Variants in PDLIM3 observed in about 807,000 individuals in gnomAD.
PDLIM3 encodes the protein PDZ and LIM domain 3.
In PDLIM3, 36 loss-of-function variants were observed where a neutral mutation model predicts 37.3. That is an observed-to-expected ratio of 0.97 (90% CI 0.74 to 1.28). The LOEUF (loss-of-function observed/expected upper bound fraction) is 1.28, where lower values mean the gene tolerates loss of function less well. PDLIM3 is among the 50% of genes most tolerant of loss of function. The probability of loss-of-function intolerance (pLI) is 0.00; values close to 1 mark genes in which losing one functional copy is unlikely to be tolerated. For synonymous variants in PDLIM3, 174 were observed against 182.4 expected (o/e 0.95, Z 0.37); for missense variants, 454 against 485.0 (o/e 0.94, Z 0.60).
intron 2 of PDLIM3, 125 bp downstream of exon 2, chr4:185,524,895 A>G: frequency 1.1e-6 from 1 of 876,968 alleles, no homozygotes; most frequent in South Asian, 1.3e-5. Context: ...TAGCTAATAT[A>G]TAAAAAGTCA....
chr4:185,518,598 G>A (rs753293344), intron 3 of PDLIM3, among the ~76,000 whole-genome samples: 4 of 152,036 alleles, frequency 2.6e-5, no homozygotes, highest in South Asian at 2.1e-4. Flanking sequence ...ATTTCATCAC[G>A]TTTGAAGTTT....
intron 1 of PDLIM3, among the ~76,000 whole-genome samples, chr4:185,528,497 A>G (rs3792700): frequency 0.76 from 115,602 of 152,214 alleles, 45,676 homozygotes; most frequent in Non-Finnish European, 0.87. Context: ...TACATTTGCA[A>G]AGCTCCTTCT....
chr4:185,523,050 A>G (rs148884424), intron 3 of PDLIM3: 1 of 300,786 alleles, frequency 3.3e-6, no homozygotes, highest in Non-Finnish European at 6.2e-6. Context: ...AACTCCTTAG[A>G]TTACCTCACG....
rs1370958597 is a variant in PDLIM3 at position 185,522,042 on chromosome 4, A to AAGAT, written c.330+1319_330+1320insATCT. ...GTCAAAACTCTACGACAACAATCTA[A>AAGAT]TAAACTCATTTCCTCTAAAGATTAC... On this transcript the variant is annotated intron_variant, in intron 3 of 7. Coordinates refer to ENST00000284767, the MANE Select transcript of PDLIM3 (RefSeq NM_014476.6). 9.2e-3 allele frequency among the ~76,000 whole-genome samples: 615 copies of AAGAT among 66,790 alleles called. 121 individuals carry two copies. Among genetic ancestry groups the AAGAT allele is most frequent in the African/African-American group, 0.016 (575 of 36,722 alleles). 43.8% of individuals were successfully genotyped at this position (66,790 alleles called of 152,430 possible). A position where few individuals can be genotyped will look rare whatever the true frequency, so the allele number is the denominator to read the frequency against.
At chr4:185,531,014 A>ATG (rs1333714319) in intron 1 of PDLIM3, among the ~76,000 whole-genome samples, 11 of 150,548 alleles carry the variant, frequency 7.3e-5, no homozygotes, top group African/African-American at 2.7e-4. Flanking sequence ...ACACACACAC[A>ATG]CGTATATATA....
chr4:185,502,035 CA>C lies in PDLIM3; in HGVS notation c.*258del, dbSNP rs2095687812. On this transcript the variant is annotated 3_prime_UTR_variant, in exon 8 of 8. Coordinates refer to ENST00000284767, the MANE Select transcript of PDLIM3 (RefSeq NM_014476.6). ...CATGTAAATTGTGGAGTATGACATA[CA>C]AAAAATTATTGCTTTAAATATCATT... 1.9e-6 allele frequency: 1 copy of C among 517,746 alleles called. No individual in the cohort carries two copies. The highest frequency in any genetic ancestry group is 3.5e-6 in the Non-Finnish European group (1 of 285,650). 32.1% of individuals were successfully genotyped at this position (517,746 alleles called of 1,614,324 possible). A position where few individuals can be genotyped will look rare whatever the true frequency, so the allele number is the denominator to read the frequency against.
At chr4:185,517,464 C>A (rs1229163677) in intron 3 of PDLIM3, 3 of 147,144 alleles carry the variant, frequency 2.0e-5, no homozygotes, top group Non-Finnish European at 3.0e-5. Context: ...TGGAAAATAC[C>A]TCTGCCCTTA....
At chr4:185,527,521 T>C (rs1251319842) in intron 1 of PDLIM3, among the ~76,000 whole-genome samples, 1 of 152,220 alleles carries the variant, frequency 6.6e-6, no homozygotes, top group African/African-American at 2.4e-5. Flanking sequence ...GAACAGTTAA[T>C]AGAAGCTGGG....
rs1487799114 is a variant in PDLIM3, at chr4:185,514,635, T to G, written c.331-298A>C. The G allele has an allele frequency of 7.0e-7, 1 of 1,434,526 alleles. No homozygotes were observed. The allele number at this position is 1,434,526 out of a possible 1,614,324, so 88.9% of individuals were successfully genotyped here. On this transcript the variant is annotated intron_variant, in intron 3 of 7. Transcript: ENST00000284767. This position sits in a 1 kb window ranked among gnomAD's most constrained non-coding sequence, Gnocchi z 4.0. ...AAATAAAACAGCAAGAGCTGGACTTTTGAAAAGAAAAGAAACCATGCTATC... is the reference window on the plus strand; with the variant it reads ...AAATAAAACAGCAAGAGCTGGACTTGTGAAAAGAAAAGAAACCATGCTATC...
chr4:185,523,505 T>C (rs2095726396), intron 2 of PDLIM3, 59 bp from the exon 3 acceptor site: 1 of 1,054,642 alleles, frequency 9.5e-7, no homozygotes, highest in Non-Finnish European at 1.5e-6. Context: ...AGTTTTAGCA[T>C]ACTTTAGTTT....
chr4:185,535,265 C>G, intron 1 of PDLIM3, 77 bp downstream of exon 1: 3 of 1,339,456 alleles, frequency 2.2e-6, no homozygotes, highest in Non-Finnish European at 3.1e-6. Flanking sequence ...GCCCTCGGCC[C>G]CGGGGCATCC....
chr4:185,517,458 A>G (rs2095716711), intron 3 of PDLIM3: 1 of 151,148 alleles, frequency 6.6e-6, no homozygotes, highest in Non-Finnish European at 1.5e-5. Context: ...GCTTTATGGA[A>G]AATACCTCTG....
chr4:185,508,333 C>T lies in PDLIM3; in HGVS notation c.628G>A (p.Val210Ile). 2 of 1,614,134 alleles carry T rather than the reference C, an allele frequency of 1.2e-6. No homozygotes were observed. Among genetic ancestry groups the T allele is most frequent in the South Asian group, 1.1e-5 (1 of 91,082 alleles). The change falls in exon 5 of 8, where the codon GTT becomes ATT. Residue 210 changes from valine (V) to isoleucine (I), a missense_variant. Transcript: ENST00000284767. ...DNIMETLQGQ[V>I]STALGETPLM... ...GGTGTTTCCCCTAGGGCTGTTGAAA[C>T]CTGACCCTGGAGTGTTTCCATAATA...
At position 185,502,484 on chromosome 4, in the gene PDLIM3, C is replaced by T. The variant is rs1187016864; in HGVS notation, c.906-1G>A. On this transcript the variant is annotated splice_acceptor_variant, in intron 7 of 7. Coordinates refer to ENST00000284767, the MANE Select transcript of PDLIM3 (RefSeq NM_014476.6). LOFTEE classifies it high-confidence loss of function. ...ATCCCGCGCCTTCACCACAGCACCG[C>T]TGTTGGGGAAGAAAACGAGCTCAAG... 1.9e-6 allele frequency: 3 copies of T among 1,614,020 alleles called. No individual in the cohort carries two copies. Among genetic ancestry groups the T allele is most frequent in the Admixed American group, 1.7e-5 (1 of 60,022 alleles).
chr4:185,520,778 C>G (rs28375218), intron 3 of PDLIM3, among the ~76,000 whole-genome samples: 18,633 of 64,902 alleles, frequency 0.29, 6,457 homozygotes, highest in African/African-American at 0.49. Context: ...GCTGGGGTGA[C>G]GGATGCAACC....
At chr4:185,531,967 G>T (rs189843064) in intron 1 of PDLIM3, among the ~76,000 whole-genome samples, 4 of 151,512 alleles carry the variant, frequency 2.6e-5, no homozygotes, top group African/African-American at 9.7e-5. Flanking sequence ...GTATGGTGGC[G>T]GGTGCTTGTA....
In PDLIM3 at chr4:185,514,644, AAAG is replaced by A. The variant is rs1243727031; in HGVS notation, c.331-310_331-308del. On this transcript the variant is annotated intron_variant, in intron 3 of 7. Transcript: ENST00000284767. The surrounding 1 kb of genome is among the most constrained non-coding windows in gnomAD (Gnocchi z 4.0). ...AGCAAGAGCTGGACTTTTGAAAAGA[AAAG>A]AAACCATGCTATCACTGTTAGGTAC... 9 of 1,456,042 alleles carry A rather than the reference AAAG, an allele frequency of 6.2e-6. No homozygotes were observed. In the Admixed American group the frequency reaches 2.1e-4, roughly 34 times the overall value. The allele number at this position is 1,456,042 out of a possible 1,614,324, so 90.2% of individuals were successfully genotyped here. A position where few individuals can be genotyped will look rare whatever the true frequency, so the allele number is the denominator to read the frequency against.
chr4:185,512,363 G>A (rs568824189), intron 4 of PDLIM3: 1 of 152,314 alleles, frequency 6.6e-6, no homozygotes, highest in South Asian at 2.1e-4. Flanking sequence ...TTACAGGTGT[G>A]AGCCATCGCA....
intron 1 of PDLIM3, among the ~76,000 whole-genome samples, chr4:185,534,945 C>G (rs1314274483): frequency 1.3e-5 from 2 of 152,226 alleles, no homozygotes; most frequent in African/African-American, 2.4e-5. Flanking sequence ...TCGCCTCTCC[C>G]ACCCGGGACC....
Sources: allele counts gnomAD v4.1 joint callset (sites outside exome capture counted in the v4.1 genomes callset), GRCh38; gene constraint gnomAD v4.1.1; non-coding constraint Gnocchi (gnomAD v3.1); transcripts MANE v1.5; gene names NCBI Gene and HGNC (gene_info 2026-07-23, HGNC 2026-07-21).